The following TCF7L1 variants were observed in gnomAD, a reference collection of about 807,000 sequenced individuals.
TCF7L1 encodes transcription factor 7 like 1.
Under a neutral mutation model 63.7 loss-of-function variants are expected in TCF7L1, and 18 were observed. The ratio of observed to expected loss-of-function variants is 0.28; its 90% CI spans 0.20 to 0.42. TCF7L1 has a LOEUF of 0.42. Among genes scored for constraint, TCF7L1 ranks in the 10% least tolerant of loss-of-function variants. TCF7L1 has a pLI of 1.00. For missense variants in TCF7L1, 654 were observed against 779.3 expected, an observed-to-expected ratio of 0.84 and a Z score of 1.91; for synonymous variants, 355 against 340.9, an observed-to-expected ratio of 1.04 and a Z score of -0.46.
intron 3 of TCF7L1, among the ~76,000 whole-genome samples, chr2:85,208,701 G>A (rs1169919218): frequency 6.6e-6 from 1 of 152,198 alleles, no homozygotes. Flanking sequence ...CTGGAAGGAT[G>A]GAAATGGGAG....
At chr2:85,270,902 T>G (rs1277145472) in intron 3 of TCF7L1, among the ~76,000 whole-genome samples, 1 of 151,778 alleles carries the variant, frequency 6.6e-6, no homozygotes, top group Non-Finnish European at 1.5e-5. Flanking sequence ...TAACTTTGTT[T>G]CCCAGGCTGG....
chr2:85,305,224 C>G (rs749802831), intron 7 of TCF7L1, 36 bp from the exon 8 acceptor site: 1 of 1,614,118 alleles, frequency 6.2e-7, no homozygotes, highest in Admixed American at 1.7e-5. Context: ...CCAGCCTGAA[C>G]CCCTCTGTTG....
chr2:85,147,890 T>C (rs1215901616), intron 3 of TCF7L1, among the ~76,000 whole-genome samples: 1 of 152,046 alleles, frequency 6.6e-6, no homozygotes, highest in Non-Finnish European at 1.5e-5. Context: ...GATAAACCCA[T>C]CGTAAAGTCA....
In TCF7L1 at chr2:85,308,267, G is replaced by A. The variant is rs190366035; in HGVS notation, c.1333+550G>A. On this transcript the variant is annotated intron_variant, in intron 11 of 11. Transcript: ENST00000282111. ...CGATTATTATTAATATTTAGGTCACGCCCCCCATCTCATGCTCACTCCAGG... is the reference window on the plus strand; with the variant it reads ...CGATTATTATTAATATTTAGGTCACACCCCCCATCTCATGCTCACTCCAGG... 6.8e-4 allele frequency among the ~76,000 whole-genome samples: 102 copies of A among 150,042 alleles called. 2 individuals carry two copies. The highest frequency in any genetic ancestry group is 2.6e-3 in the East Asian group (13 of 5,024).
At chr2:85,239,933 G>T (rs180705935) in intron 3 of TCF7L1, among the ~76,000 whole-genome samples, 1 of 128,234 alleles carries the variant, frequency 7.8e-6, no homozygotes, top group Non-Finnish European at 1.6e-5. Flanking sequence ...GCAACAGAGC[G>T]AGACTCCATC....
rs150673160 is a variant in TCF7L1 at position 85,231,081 on chromosome 2, C to G, written c.442-52414C>G. On this transcript the variant is annotated intron_variant, in intron 3 of 11. Coordinates refer to ENST00000282111, the MANE Select transcript of TCF7L1 (RefSeq NM_031283.3). Reference sequence around the variant, plus strand: ...ACTTGAAAATCCTTTGGAACATCTGCAAGTATCTTGCAGATGAACGAGGTT... The same window carrying G: ...ACTTGAAAATCCTTTGGAACATCTGGAAGTATCTTGCAGATGAACGAGGTT... 2.8e-3 allele frequency among the ~76,000 whole-genome samples: 431 copies of G among 152,264 alleles called. 1 individual carries two copies. Among genetic ancestry groups the G allele is most frequent in the African/African-American group, 1.0e-2 (415 of 41,554 alleles).
At position 85,176,263 on chromosome 2, in the gene TCF7L1, C is replaced by T. The variant is rs559156696; in HGVS notation, c.441+41813C>T. On this transcript the variant is annotated intron_variant, in intron 3 of 11. Coordinates refer to ENST00000282111, the MANE Select transcript of TCF7L1 (RefSeq NM_031283.3). ...ATCTGAGTTTGAGGCTTCAGTCCTC[C>T]GCTGACTGACCATATGTTTACACTG... is the stretch of plus-strand genomic sequence containing the variant. Among the ~76,000 whole-genome samples, 30 of 152,266 alleles carry T rather than the reference C, an allele frequency of 2.0e-4. 1 individual carries two copies. The highest frequency in any genetic ancestry group is 1.0e-3 in the Admixed American group (16 of 15,302).
intron 4 of TCF7L1, among the ~76,000 whole-genome samples, chr2:85,285,489 T>TG (rs111480414): frequency 0.023 from 3,507 of 152,010 alleles, 136 homozygotes; most frequent in African/African-American, 0.08. Context: ...GAACCGTGAG[T>TG]GCGGGACCAG....
intron 3 of TCF7L1, among the ~76,000 whole-genome samples, chr2:85,220,899 C>T (rs1232629960): frequency 6.6e-6 from 1 of 152,148 alleles, no homozygotes; most frequent in Non-Finnish European, 1.5e-5. Context: ...AGATTATATT[C>T]ACCAAATCCC....
rs1448547823 is a variant in TCF7L1 at position 85,306,751 on chromosome 2, G to A, written c.1257+192G>A. Among the ~76,000 whole-genome samples the A allele has an allele frequency of 2.0e-5, 3 of 152,122 alleles. 1 individual carries two copies. The highest frequency in any genetic ancestry group is 4.1e-4 in the South Asian group (2 of 4,826). On this transcript the variant is annotated intron_variant, in intron 10 of 11. Transcript: ENST00000282111. This position sits in a 1 kb window ranked among gnomAD's most constrained non-coding sequence, Gnocchi z 4.3. ...GCGATCTCGGCTCACTGCAAGCTCC[G>A]CCTCCCCGGTTCACACCATTCTCCT...
chr2:85,249,464 C>G (rs192331541), intron 3 of TCF7L1, among the ~76,000 whole-genome samples: 1 of 152,164 alleles, frequency 6.6e-6, no homozygotes, highest in Non-Finnish European at 1.5e-5. Flanking sequence ...CATCCTGTGC[C>G]TCTTTCCTTT....
chr2:85,133,693 G>A lies in TCF7L1; in HGVS notation c.9G>A (p.Gln3=). 1 of 1,001,244 alleles carries A rather than the reference G, an allele frequency of 1.0e-6. No homozygotes were observed. Among genetic ancestry groups the A allele is most frequent in the South Asian group, 4.5e-5 (1 of 22,048 alleles). The allele number at this position is 1,001,244 out of a possible 1,614,324, so 62.0% of individuals were successfully genotyped here. The change falls in exon 1 of 12, where the codon CAG becomes CAA. Residue 3 remains glutamine, a synonymous_variant. Coordinates refer to ENST00000282111, the MANE Select transcript of TCF7L1 (RefSeq NM_031283.3). The surrounding 1 kb of genome is among the most constrained non-coding windows in gnomAD (Gnocchi z 4.4). MP[Q]LGGGGGGGGG... ...CGGCCCGCGGCCCCACCATGCCCCA[G>A]CTCGGCGGCGGGGGCGGCGGCGGCG... is the stretch of plus-strand genomic sequence containing the variant.
At position 85,133,844 on chromosome 2, in the gene TCF7L1, G is replaced by A. The variant is rs1331639534; in HGVS notation, c.160G>A (p.Asp54Asn). ...GGGCGAGGAGCAGGAGCCGAGCAGC[G>A]ATAGCGCCTCGGCGCAGCGGGACCT... The part of the protein sequence containing the change: ...EGGEEQEPSS[D>N]SASAQRDLDE... Residue 54 changes from aspartate to asparagine, a missense_variant, in exon 1 of 12, where the codon GAT becomes AAT. Physicochemically the swap from Asp to Asn is conservative, Grantham distance 23 (BLOSUM62 1). Around this residue, in one of 3 missense-constraint regions of TCF7L1, gnomAD observed 404 missense variants for 454.8 expected, o/e 0.89. Coordinates refer to ENST00000282111, the MANE Select transcript of TCF7L1 (RefSeq NM_031283.3). This position sits in a 1 kb window ranked among gnomAD's most constrained non-coding sequence, Gnocchi z 4.4. 2 of 1,506,504 alleles carry A rather than the reference G, an allele frequency of 1.3e-6. No individual in the cohort carries two copies. Among genetic ancestry groups the A allele is most frequent in the South Asian group, 2.6e-5 (2 of 78,272 alleles). 93.3% of individuals were successfully genotyped at this position (1,506,504 alleles called of 1,614,324 possible). A position where few individuals can be genotyped will look rare whatever the true frequency, so the allele number is the denominator to read the frequency against.
intron 3 of TCF7L1, among the ~76,000 whole-genome samples, chr2:85,196,198 AG>A (rs1302364169): frequency 6.6e-6 from 1 of 152,244 alleles, no homozygotes; most frequent in Non-Finnish European, 1.5e-5. Context: ...TTCAGATGCC[AG>A]GGGCAAGTGT....
intron 3 of TCF7L1, among the ~76,000 whole-genome samples, chr2:85,217,563 C>G (rs1248922395): frequency 6.6e-6 from 1 of 152,190 alleles, no homozygotes; most frequent in Non-Finnish European, 1.5e-5. Context: ...CCAGTATCCT[C>G]ACCAATGACC....
intron 3 of TCF7L1, among the ~76,000 whole-genome samples, chr2:85,168,008 C>T (rs1490995270): frequency 6.6e-6 from 1 of 152,104 alleles, no homozygotes; most frequent in East Asian, 1.9e-4. Flanking sequence ...AATAGTCAAA[C>T]TTAAAGAACG....
rs191179577 is a variant in TCF7L1, at chr2:85,169,744, G to T, written c.441+35294G>T. Among the ~76,000 whole-genome samples, 22 of 152,274 alleles carry T rather than the reference G, an allele frequency of 1.4e-4. No individual in the cohort carries two copies. In the East Asian group the frequency reaches 4.3e-3, roughly 29 times the overall value. ...CTGCCATGTACCTGCATCTGTGCTT[G>T]CTAGGTGACAGTACAACCAGCTCCC... On this transcript the variant is annotated intron_variant, in intron 3 of 11. Transcript: ENST00000282111.
At chr2:85,146,145 G>A (rs1478448995) in intron 3 of TCF7L1, among the ~76,000 whole-genome samples, 6 of 152,176 alleles carry the variant, frequency 3.9e-5, no homozygotes, top group African/African-American at 1.4e-4. Flanking sequence ...AGCACCTTTA[G>A]TGTTCCAGGG....
chr2:85,301,515 C>T lies in TCF7L1; in HGVS notation c.526-969C>T, dbSNP rs140094101. Among the ~76,000 whole-genome samples, 150 of 152,342 alleles carry T rather than the reference C, an allele frequency of 9.8e-4. No homozygotes were observed. The East Asian group carries it at 0.017, about 17-fold the overall frequency. Reference sequence around the variant, plus strand: ...TTAATTCTGTTTACCAATTGTAGAACGCACAGGTTTTTCCCATGTTAACAT... The same window carrying T: ...TTAATTCTGTTTACCAATTGTAGAATGCACAGGTTTTTCCCATGTTAACAT... On this transcript the variant is annotated intron_variant, in intron 4 of 11. Coordinates refer to ENST00000282111, the MANE Select transcript of TCF7L1 (RefSeq NM_031283.3).
Sources: gnomAD v4.1 joint callset for allele counts (sites outside exome capture counted in the v4.1 genomes callset) on GRCh38, gnomAD v4.1.1 for gene constraint, gnomAD v4.1.1 regional missense constraint, Gnocchi (gnomAD v3.1) non-coding constraint, MANE v1.5 for transcripts, NCBI Gene and HGNC (gene_info 2026-07-23, HGNC 2026-07-21) for gene names.